IMPA2: variants seen among roughly 807,000 people sequenced by gnomAD.
IMPA2 encodes the protein inositol monophosphatase 2.
Under a neutral mutation model 35.1 loss-of-function variants are expected in IMPA2, and 32 were observed. That is an observed-to-expected ratio of 0.91 (90% CI 0.69 to 1.23). The LOEUF (loss-of-function observed/expected upper bound fraction) is 1.23. Ranked by LOEUF, IMPA2 falls within the 50% of genes most tolerant of loss-of-function variation. The pLI is 0.00. For missense variants in IMPA2, 334 were observed against 387.6 expected, an observed-to-expected ratio of 0.86 and a Z score of 1.16; for synonymous variants, 135 against 160.6, an observed-to-expected ratio of 0.84 and a Z score of 1.20.
chr18:12,016,679 A>G (rs1444181829), intron 5 of IMPA2, among the ~76,000 whole-genome samples: 2 of 152,132 alleles, frequency 1.3e-5, no homozygotes, highest in South Asian at 2.1e-4. Flanking sequence ...TCGGCCTCCC[A>G]GAGTGTTGGG....
At chr18:12,017,622 T>G in intron 5 of IMPA2, 1 of 429,198 alleles carries the variant, frequency 2.3e-6, no homozygotes, top group Non-Finnish European at 4.6e-6. Context: ...AGGATCTCAC[T>G]CTGTCACCCA....
intron 2 of IMPA2, among the ~76,000 whole-genome samples, chr18:12,003,357 A>C (rs1421626259): frequency 3.3e-5 from 5 of 152,086 alleles, no homozygotes. Flanking sequence ...GACAAAAAGC[A>C]AACCAGGGCT....
At chr18:12,016,121 T>C (rs917109034) in intron 5 of IMPA2, among the ~76,000 whole-genome samples, 4 of 152,216 alleles carry the variant, frequency 2.6e-5, no homozygotes, top group African/African-American at 9.6e-5. Flanking sequence ...ATGGATAAAA[T>C]GCATAGCAGA....
rs1906603523 is a variant in IMPA2 at position 11,984,632 on chromosome 18, G to A, written c.96+2867G>A. On this transcript the variant is annotated intron_variant, in intron 1 of 7. Coordinates refer to ENST00000269159, the MANE Select transcript of IMPA2 (RefSeq NM_014214.3). The stretch of plus-strand genomic sequence containing the variant: ...AGGCTTGTGGATCACCTGAGGTCGG[G>A]AATTTGAGACCAATATAGTGAAACC... Among the ~76,000 whole-genome samples, 6 of 151,962 alleles carry A rather than the reference G, an allele frequency of 3.9e-5. No individual in the cohort carries two copies. In the South Asian group the frequency reaches 1.2e-3, roughly 31 times the overall value.
At chr18:12,024,158 T>C (rs931612504) in intron 5 of IMPA2, among the ~76,000 whole-genome samples, 1 of 152,198 alleles carries the variant, frequency 6.6e-6, no homozygotes, top group Admixed American at 6.5e-5. Context: ...AAGAGTAAGA[T>C]ACTGATGGCA....
At chr18:11,987,139 G>A (rs538917009) in intron 1 of IMPA2, among the ~76,000 whole-genome samples, 1 of 152,164 alleles carries the variant, frequency 6.6e-6, no homozygotes, top group Non-Finnish European at 1.5e-5. Context: ...GCCCAAGAGG[G>A]CTTATTAAGG....
At chr18:12,020,956 T>A (rs1236647640) in intron 5 of IMPA2, among the ~76,000 whole-genome samples, 3 of 151,822 alleles carry the variant, frequency 2.0e-5, no homozygotes, top group Non-Finnish European at 4.4e-5. Flanking sequence ...CAACCATAGT[T>A]CTTTTTGGTT....
intron 2 of IMPA2, among the ~76,000 whole-genome samples, chr18:12,007,639 CT>C (rs1211136933): frequency 5.8e-5 from 5 of 85,500 alleles, no homozygotes; most frequent in Non-Finnish European, 1.2e-4. Context: ...TTCTTTCTTT[CT>C]TTCTTTCTTT....
chr18:11,981,852 C>T, intron 1 of IMPA2, 87 bp downstream of exon 1: 1 of 951,428 alleles, frequency 1.1e-6, no homozygotes, highest in Non-Finnish European at 1.4e-6. Flanking sequence ...GGTCCTGGCG[C>T]GCAGCCGGCG....
chr18:12,004,128 C>T (rs971768206), intron 2 of IMPA2, among the ~76,000 whole-genome samples: 11 of 152,200 alleles, frequency 7.2e-5, no homozygotes, highest in African/African-American at 2.7e-4. Context: ...CAGCCACCAC[C>T]AGCTGAACAT....
At position 11,981,536 on chromosome 18, in the gene IMPA2, G is replaced by T. The variant is rs1266980243; in HGVS notation, c.-134G>T. 8 of 527,362 alleles carry T rather than the reference G, an allele frequency of 1.5e-5. No individual in the cohort carries two copies. The East Asian group carries it at 2.5e-4, about 17-fold the overall frequency. 32.7% of individuals were successfully genotyped at this position (527,362 alleles called of 1,614,324 possible). A position where few individuals can be genotyped will look rare whatever the true frequency, so the allele number is the denominator to read the frequency against. On this transcript the variant is annotated 5_prime_UTR_variant, in exon 1 of 8. Transcript: ENST00000269159. ...CTTCCCGCCAGCGCAGGTGTGGGAC[G>T]GGCGGCGGACTAGGCACAGAGCTGC...
At chr18:12,004,145 C>G (rs1030873440) in intron 2 of IMPA2, among the ~76,000 whole-genome samples, 1 of 152,200 alleles carries the variant, frequency 6.6e-6, no homozygotes, top group African/African-American at 2.4e-5. Flanking sequence ...ACATTGACAT[C>G]CAGCTGCTTT....
intron 5 of IMPA2, among the ~76,000 whole-genome samples, chr18:12,020,987 G>A (rs1368355864): frequency 6.6e-6 from 1 of 151,094 alleles, no homozygotes; most frequent in African/African-American, 2.4e-5. Context: ...ACTTGACATT[G>A]GATTCCTGGG....
chr18:12,017,650 G>A (rs1275210898), intron 5 of IMPA2: 2 of 409,286 alleles, frequency 4.9e-6, no homozygotes, highest in South Asian at 1.8e-5. Flanking sequence ...GTGCGGTGGT[G>A]CAGTCTTGGC....
At chr18:12,008,780 T>C (rs746229773) in intron 2 of IMPA2, among the ~76,000 whole-genome samples, 39 of 152,248 alleles carry the variant, frequency 2.6e-4, no homozygotes, top group Non-Finnish European at 3.7e-4. Context: ...AGGAGTTCCC[T>C]TCTGTGCAGG....
At chr18:11,996,124 A>T (rs1267559596) in intron 1 of IMPA2, among the ~76,000 whole-genome samples, 1 of 152,200 alleles carries the variant, frequency 6.6e-6, no homozygotes, top group African/African-American at 2.4e-5. Context: ...CAGATGGGAT[A>T]TGGTAAGTTG....
At chr18:12,019,255 G>C (rs1158064042) in intron 5 of IMPA2, among the ~76,000 whole-genome samples, 5 of 151,642 alleles carry the variant, frequency 3.3e-5, no homozygotes, top group Admixed American at 3.3e-4. Context: ...TCAAAAAGTA[G>C]CAATTTTTTT....
chr18:12,000,959 G>A (rs886934624), intron 2 of IMPA2, among the ~76,000 whole-genome samples: 1 of 150,504 alleles, frequency 6.6e-6, no homozygotes, highest in Non-Finnish European at 1.5e-5. Flanking sequence ...CCTAATTTTA[G>A]GGTGGCTCAC....
chr18:11,981,539 C>T lies in IMPA2; in HGVS notation c.-131C>T. 1 of 544,250 alleles carries T rather than the reference C, an allele frequency of 1.8e-6. No homozygotes were observed. Among genetic ancestry groups the T allele is most frequent in the East Asian group, 3.6e-5 (1 of 27,970 alleles). 33.7% of individuals were successfully genotyped at this position (544,250 alleles called of 1,614,324 possible). A position where few individuals can be genotyped will look rare whatever the true frequency, so the allele number is the denominator to read the frequency against. On this transcript the variant is annotated 5_prime_UTR_variant, in exon 1 of 8. Transcript: ENST00000269159. ...CCCGCCAGCGCAGGTGTGGGACGGG[C>T]GGCGGACTAGGCACAGAGCTGCGGG...
Sources: gnomAD v4.1 joint callset for allele counts (sites outside exome capture counted in the v4.1 genomes callset) on GRCh38, gnomAD v4.1.1 for gene constraint, MANE v1.5 for transcripts, NCBI Gene and HGNC (gene_info 2026-07-23, HGNC 2026-07-21) for gene names.